The following MARCHF4 variants were observed in gnomAD, a reference collection of about 807,000 sequenced individuals.
The protein encoded by MARCHF4 is membrane associated ring-CH-type finger 4.
In MARCHF4, 14 loss-of-function variants were observed where a neutral mutation model predicts 43.9. The observed-to-expected ratio is 0.32, with a 90% CI of 0.21 to 0.50. MARCHF4 has a LOEUF of 0.50. MARCHF4 is among the 20% of genes least tolerant of loss of function. MARCHF4 has a pLI of 0.98. For missense variants in MARCHF4, 468 were observed against 536.7 expected (o/e 0.87, Z 1.27); for synonymous variants, 226 against 213.3 (o/e 1.06, Z -0.52).
At chr2:216,353,690 G>T (rs928841893) in intron 1 of MARCHF4, among the ~76,000 whole-genome samples, 8 of 152,190 alleles carry the variant, frequency 5.3e-5, no homozygotes, top group Admixed American at 3.9e-4. Flanking sequence ...TGGGATTACA[G>T]GTGCCTGCCA....
intron 1 of MARCHF4, among the ~76,000 whole-genome samples, chr2:216,293,917 T>C (rs1691352224): frequency 6.2e-5 from 6 of 96,188 alleles, no homozygotes; most frequent in African/African-American, 1.6e-4. Flanking sequence ...CATATCTGTA[T>C]TTCTAATGAC....
intron 1 of MARCHF4, among the ~76,000 whole-genome samples, chr2:216,344,583 G>C (rs1692286659): frequency 1.3e-5 from 2 of 152,130 alleles, no homozygotes; most frequent in South Asian, 4.1e-4. Flanking sequence ...AATCAAGGAG[G>C]GCAGGGCTTC....
chr2:216,291,934 G>A (rs1243009751), intron 1 of MARCHF4, among the ~76,000 whole-genome samples: 1 of 152,160 alleles, frequency 6.6e-6, no homozygotes, highest in Non-Finnish European at 1.5e-5. Context: ...CATCCTCTCT[G>A]CCCATTGCAG....
intron 1 of MARCHF4, among the ~76,000 whole-genome samples, chr2:216,298,258 T>TG (rs1691429295): frequency 4.2e-5 from 1 of 23,650 alleles, no homozygotes; most frequent in East Asian, 1.4e-3. Flanking sequence ...TCTTTTAGGT[T>TG]TTTTTTTTTT....
chr2:216,329,587 G>T (rs1692052510), intron 1 of MARCHF4, among the ~76,000 whole-genome samples: 1 of 150,494 alleles, frequency 6.6e-6, no homozygotes, highest in Non-Finnish European at 1.5e-5. Flanking sequence ...TATAAAAGAA[G>T]GCAAGAAAGG....
intron 1 of MARCHF4, among the ~76,000 whole-genome samples, chr2:216,347,825 T>TTC (rs565587472): frequency 3.2e-5 from 1 of 31,134 alleles, no homozygotes; most frequent in Non-Finnish European, 5.2e-5. Context: ...CACAGGGTTC[T>TTC]TTTTTTTTTT....
At chr2:216,325,957 A>G (rs1691983548) in intron 1 of MARCHF4, among the ~76,000 whole-genome samples, 1 of 149,380 alleles carries the variant, frequency 6.7e-6, no homozygotes, top group African/African-American at 2.5e-5. Flanking sequence ...AGAATTGACA[A>G]ATGGGATCTA....
rs146701976 is a variant in MARCHF4, at chr2:216,316,343, C to T, written c.517-32614G>A. Among the ~76,000 whole-genome samples the T allele has an allele frequency of 4.2e-3, 638 of 152,264 alleles. 3 individuals carry two copies. Among genetic ancestry groups the T allele is most frequent in the African/African-American group, 0.015 (606 of 41,540 alleles). ...CTGCTGTGGGGTCCCTGCCTGCTCA[C>T]GCCCCTTTCTAAAACGGAGGCCCTA... On this transcript the variant is annotated intron_variant, in intron 1 of 3. Transcript: ENST00000273067.
At chr2:216,329,873 G>C (rs1432586014) in intron 1 of MARCHF4, among the ~76,000 whole-genome samples, 1 of 151,706 alleles carries the variant, frequency 6.6e-6, no homozygotes, top group African/African-American at 2.4e-5. Flanking sequence ...GATCGCTTGG[G>C]GCCGGAGTTT....
intron 3 of MARCHF4, among the ~76,000 whole-genome samples, chr2:216,270,971 C>T (rs527729033): frequency 1.3e-5 from 2 of 152,236 alleles, no homozygotes; most frequent in Non-Finnish European, 2.9e-5. Context: ...CCACCTCTGA[C>T]CCATTCTCTC....
chr2:216,358,894 T>C (rs1191045583), intron 1 of MARCHF4, among the ~76,000 whole-genome samples: 3 of 152,172 alleles, frequency 2.0e-5, no homozygotes, highest in Admixed American at 6.5e-5. Context: ...CTGTGAGGGA[T>C]AGAGCTGTGT....
At chr2:216,267,765 C>T (rs1042172800) in intron 3 of MARCHF4, among the ~76,000 whole-genome samples, 1 of 152,240 alleles carries the variant, frequency 6.6e-6, no homozygotes, top group Admixed American at 6.5e-5. Context: ...TGCCAACAGA[C>T]AGGCCACTCC....
rs757348397 is a variant in MARCHF4, at chr2:216,370,005, C to T, written c.256G>A (p.Gly86Arg). Residue 86 changes from glycine to arginine, a missense_variant, in exon 1 of 4, where the codon GGG becomes AGG. Gly to Arg is a moderately radical substitution (Grantham distance 125, BLOSUM62 -2). Transcript: ENST00000273067. ...NNTLPALGAG[G>R]WAGWRGPREV... ...CGGGGGCCCCTCCAGCCTGCCCACC[C>T]CCCGGCGCCCAGAGCCGGAAGGGTG... The T allele has an allele frequency of 6.5e-7, 1 of 1,540,326 alleles. No individual in the cohort carries two copies. The highest frequency in any genetic ancestry group is 8.8e-7 in the Non-Finnish European group (1 of 1,138,908).
intron 3 of MARCHF4, among the ~76,000 whole-genome samples, chr2:216,277,410 C>T (rs968533830): frequency 1.3e-5 from 2 of 152,196 alleles, no homozygotes; most frequent in African/African-American, 4.8e-5. Context: ...CCCAAATCCT[C>T]CTAGAGGCAG....
intron 1 of MARCHF4, among the ~76,000 whole-genome samples, chr2:216,308,961 G>A (rs922231258): frequency 2.6e-5 from 4 of 152,100 alleles, no homozygotes; most frequent in African/African-American, 4.8e-5. Context: ...CCTTGTGAAC[G>A]GCAGAAGCAA....
At chr2:216,288,390 T>C (rs1322384152) in intron 1 of MARCHF4, among the ~76,000 whole-genome samples, 2 of 152,242 alleles carry the variant, frequency 1.3e-5, no homozygotes, top group Admixed American at 1.3e-4. Context: ...CATAGTTTTT[T>C]CTTCTGCAAC....
intron 1 of MARCHF4, among the ~76,000 whole-genome samples, chr2:216,344,756 C>A (rs557891840): frequency 6.6e-6 from 1 of 151,712 alleles, no homozygotes; most frequent in South Asian, 2.1e-4. Context: ...GGGAGGGAGC[C>A]AGCAAAGAGG....
intron 1 of MARCHF4, among the ~76,000 whole-genome samples, chr2:216,324,059 G>C (rs1691948452): frequency 6.6e-6 from 1 of 151,278 alleles, no homozygotes; most frequent in East Asian, 1.9e-4. Context: ...AAAATTGATA[G>C]ACCGCTAGCA....
At chr2:216,287,692 G>A (rs1158293326) in intron 1 of MARCHF4, among the ~76,000 whole-genome samples, 2 of 150,800 alleles carry the variant, frequency 1.3e-5, no homozygotes, top group Admixed American at 6.6e-5. Flanking sequence ...AATGCTAAAC[G>A]ACGAGTTAAT....
Sources: gnomAD v4.1 joint callset for allele counts (sites outside exome capture counted in the v4.1 genomes callset) on GRCh38, gnomAD v4.1.1 for gene constraint, MANE v1.5 for transcripts, NCBI Gene and HGNC (gene_info 2026-07-23, HGNC 2026-07-21) for gene names.